The following CCDC93 variants were observed in gnomAD, a reference collection of about 807,000 sequenced individuals.
The protein encoded by CCDC93 is coiled-coil domain-containing protein 93.
Under a neutral mutation model 108.2 loss-of-function variants are expected in CCDC93, and 61 were observed. The ratio of observed to expected loss-of-function variants is 0.56; its 90% CI spans 0.46 to 0.70. The LOEUF (loss-of-function observed/expected upper bound fraction) is 0.70, where lower values mean the gene tolerates loss of function less well. Among genes scored for constraint, CCDC93 ranks in the 30% least tolerant of loss-of-function variants. The pLI, the probability that CCDC93 is intolerant of heterozygous loss-of-function variation, is 0.00. For synonymous variants in CCDC93, 276 were observed against 260.4 expected (o/e 1.06, Z -0.58); for missense variants, 685 against 764.2 (o/e 0.90, Z 1.22).
chr2:117,969,624 C>T (rs1351260813), intron 11 of CCDC93, among the ~76,000 whole-genome samples: 1 of 152,170 alleles, frequency 6.6e-6, no homozygotes. Flanking sequence ...CTGACTTGCA[C>T]TCATAACCAG....
intron 13 of CCDC93, chr2:117,951,451 A>G (rs1312925435): frequency 2.0e-6 from 2 of 985,804 alleles, no homozygotes; most frequent in East Asian, 2.3e-4. Context: ...TCAGGTTTAC[A>G]TCAAGGTGGC....
intron 12 of CCDC93, among the ~76,000 whole-genome samples, chr2:117,954,663 C>G (rs936895106): frequency 2.0e-5 from 3 of 152,210 alleles, no homozygotes; most frequent in African/African-American, 2.4e-5. Context: ...CTACCTACCA[C>G]CTGTACTCCA....
intron 12 of CCDC93, among the ~76,000 whole-genome samples, chr2:117,953,617 G>A (rs75377843): frequency 5.4e-4 from 82 of 152,090 alleles, no homozygotes; most frequent in African/African-American, 1.9e-3. Flanking sequence ...GTTTCAAGAG[G>A]TGGGGTCTTT....
At chr2:118,001,203 T>C (rs1680841578) in intron 3 of CCDC93, 1 of 328,622 alleles carries the variant, frequency 3.0e-6, no homozygotes, top group Admixed American at 4.5e-5. Flanking sequence ...TGTGAAATGA[T>C]GGTAACATTA....
chr2:117,968,561 A>G (rs1265048390), intron 11 of CCDC93, among the ~76,000 whole-genome samples: 1 of 152,198 alleles, frequency 6.6e-6, no homozygotes, highest in Admixed American at 6.5e-5. Flanking sequence ...AACCATATTG[A>G]GTTACATGTC....
chr2:117,931,179 GA>G, intron 22 of CCDC93, 29 bp from the exon 23 acceptor site: 1 of 1,493,892 alleles, frequency 6.7e-7, no homozygotes, highest in Non-Finnish European at 9.3e-7. Flanking sequence ...AAATGGTGAT[GA>G]AAAGACATGT....
intron 7 of CCDC93, chr2:117,985,408 TGAG>T: frequency 1.1e-6 from 1 of 947,128 alleles, no homozygotes; most frequent in Non-Finnish European, 1.3e-6. Flanking sequence ...TCAGTTACCC[TGAG>T]AAGAGAATGC....
At chr2:117,986,414 G>A (rs995186936) in intron 6 of CCDC93, among the ~76,000 whole-genome samples, 5 of 152,148 alleles carry the variant, frequency 3.3e-5, no homozygotes, top group African/African-American at 1.2e-4. Context: ...TGACTGCTAA[G>A]CTGGCTGTCA....
chr2:117,965,757 C>T (rs1440063339), intron 11 of CCDC93, among the ~76,000 whole-genome samples: 1 of 152,134 alleles, frequency 6.6e-6, no homozygotes, highest in Non-Finnish European at 1.5e-5. Flanking sequence ...AACGCAATCC[C>T]TGCCCCCTAC....
intron 13 of CCDC93, chr2:117,950,610 G>T: frequency 1.0e-6 from 1 of 985,384 alleles, no homozygotes; most frequent in Non-Finnish European, 1.2e-6. Context: ...GGTCAAATCT[G>T]GGAAGCCTGG....
In CCDC93 at chr2:117,975,198, G is replaced by C; in HGVS notation, c.740C>G (p.Ala247Gly). ...ADAHEEDELRAAEEQRIQSLM... is the reference protein window; with the variant it reads ...ADAHEEDELRGAEEQRIQSLM... Reference sequence around the variant, plus strand: ...ACATGGACCACACACCTCTTCAGCTGCTCGAAGCTCATCTTCCTCGTGGGC... The same window carrying C: ...ACATGGACCACACACCTCTTCAGCTCCTCGAAGCTCATCTTCCTCGTGGGC... The change falls in exon 9 of 24, where the codon GCA becomes GGA. Residue 247 changes from alanine to glycine, a missense_variant. Coordinates refer to ENST00000376300, the MANE Select transcript of CCDC93 (RefSeq NM_019044.5). The C allele has an allele frequency of 6.2e-7, 1 of 1,613,428 alleles. No individual in the cohort carries two copies. The highest frequency in any genetic ancestry group is 1.1e-5 in the South Asian group (1 of 91,070).
chr2:117,996,172 G>A, intron 5 of CCDC93, 92 bp downstream of exon 5: 1 of 755,268 alleles, frequency 1.3e-6, no homozygotes, highest in Non-Finnish European at 2.2e-6. Flanking sequence ...GAATGTAGGG[G>A]AGCCTGAGCT....
At chr2:117,931,010 T>C in intron 23 of CCDC93, 27 bp downstream of exon 23, 2 of 1,459,050 alleles carry the variant, frequency 1.4e-6, no homozygotes, top group East Asian at 2.3e-5. Flanking sequence ...ACGTTAGCCT[T>C]AATGTGCTAC....
chr2:117,924,308 G>A (rs145187311), intron 23 of CCDC93, among the ~76,000 whole-genome samples: 35 of 152,298 alleles, frequency 2.3e-4, no homozygotes, highest in African/African-American at 7.9e-4. Flanking sequence ...AGAGAAGAAC[G>A]CTTCAGACGA....
At chr2:118,000,030 C>G (rs575411657) in intron 4 of CCDC93, 2 of 152,304 alleles carry the variant, frequency 1.3e-5, no homozygotes, top group African/African-American at 4.8e-5. Flanking sequence ...AGAGAAGTCT[C>G]TCCCTTAGGC....
At chr2:118,012,103 G>A (rs1463974848) in intron 1 of CCDC93, among the ~76,000 whole-genome samples, 1 of 152,130 alleles carries the variant, frequency 6.6e-6, no homozygotes, top group South Asian at 2.1e-4. Context: ...AGCTATCTTT[G>A]TAAAGGGTTA....
intron 11 of CCDC93, among the ~76,000 whole-genome samples, chr2:117,964,990 A>T (rs558816081): frequency 3.9e-5 from 6 of 152,256 alleles, no homozygotes; most frequent in Non-Finnish European, 8.8e-5. Context: ...TTATGAATGA[A>T]GCAACAGGAA....
intron 20 of CCDC93, 55 bp from the exon 21 acceptor site, chr2:117,936,794 C>G: frequency 5.2e-6 from 7 of 1,356,070 alleles, no homozygotes; most frequent in Admixed American, 3.3e-5. Context: ...GATTTCCACA[C>G]TACTGCAACT....
chr2:117,929,478 C>T (rs1022647223), intron 23 of CCDC93, among the ~76,000 whole-genome samples: 3 of 152,194 alleles, frequency 2.0e-5, no homozygotes, highest in African/African-American at 7.2e-5. Context: ...CCTTGGAGGT[C>T]ATCCTAAGCT....
Sources: gnomAD v4.1 joint callset for allele counts (sites outside exome capture counted in the v4.1 genomes callset) on GRCh38, gnomAD v4.1.1 for gene constraint, MANE v1.5 for transcripts, NCBI Gene and HGNC (gene_info 2026-07-23, HGNC 2026-07-21) for gene names.